The following SLIT2 variants were observed in gnomAD, a reference collection of about 807,000 sequenced individuals.
The protein encoded by SLIT2 is slit guidance ligand 2.
SLIT2 carries 41 observed loss-of-function variants against 185.7 expected under a neutral mutation model. The ratio of observed to expected loss-of-function variants is 0.22; its 90% CI spans 0.17 to 0.29. The LOEUF (loss-of-function observed/expected upper bound fraction) is 0.29. Ranked by LOEUF, SLIT2 falls within the 10% of genes least tolerant of loss-of-function variation. The pLI is 1.00. For missense variants in SLIT2, 1,571 were observed against 1,909.0 expected, an observed-to-expected ratio of 0.82 and a Z score of 3.30; for synonymous variants, 693 against 680.2, an observed-to-expected ratio of 1.02 and a Z score of -0.29.
At chr4:20,320,161 G>A (rs1209000985) in intron 4 of SLIT2, among the ~76,000 whole-genome samples, 1 of 152,138 alleles carries the variant, frequency 6.6e-6, no homozygotes, top group Non-Finnish European at 1.5e-5. Context: ...TAAACATGAA[G>A]AAGAATCTAT....
rs1162443392 is a variant in SLIT2 at position 20,619,753 on chromosome 4, A to G, written c.*744A>G. ...GTTTCTATGAGTTCTAAACAGCCCTATACAGTATTCAGTTTCCATGAGAAA... is the reference window on the plus strand; with the variant it reads ...GTTTCTATGAGTTCTAAACAGCCCTGTACAGTATTCAGTTTCCATGAGAAA... On this transcript the variant is annotated 3_prime_UTR_variant, in exon 37 of 37. Transcript: ENST00000504154. 3.9e-5 allele frequency: 6 copies of G among 152,180 alleles called. No homozygotes were observed. Among genetic ancestry groups the G allele is most frequent in the Admixed American group, 2.0e-4 (3 of 15,280 alleles). The allele number at this position is 152,180 out of a possible 1,614,324, so 9.4% of individuals were successfully genotyped here. A position where few individuals can be genotyped will look rare whatever the true frequency, so the allele number is the denominator to read the frequency against.
chr4:20,430,744 C>T (rs1301089232), intron 4 of SLIT2, among the ~76,000 whole-genome samples: 2 of 152,200 alleles, frequency 1.3e-5, no homozygotes, highest in Admixed American at 1.3e-4. Flanking sequence ...CATGGGGCCT[C>T]GTATTCTCAT....
chr4:20,286,247 G>A (rs144675039), intron 4 of SLIT2, among the ~76,000 whole-genome samples: 64 of 152,200 alleles, frequency 4.2e-4, no homozygotes, highest in African/African-American at 1.4e-3. Flanking sequence ...CGTTAATTGT[G>A]CATAGGTGCT....
chr4:20,284,032 A>C (rs144341233), intron 4 of SLIT2, among the ~76,000 whole-genome samples: 38 of 152,308 alleles, frequency 2.5e-4, no homozygotes, highest in African/African-American at 8.9e-4. Flanking sequence ...GTAACAGTAG[A>C]TGTACAAGAA....
At chr4:20,295,635 T>C (rs1217121742) in intron 4 of SLIT2, among the ~76,000 whole-genome samples, 1 of 152,202 alleles carries the variant, frequency 6.6e-6, no homozygotes, top group Non-Finnish European at 1.5e-5. Context: ...TTGGGCTTCC[T>C]GAGAAGTTAT....
At chr4:20,377,982 C>G (rs1249079180) in intron 4 of SLIT2, among the ~76,000 whole-genome samples, 4 of 152,036 alleles carry the variant, frequency 2.6e-5, no homozygotes, top group Non-Finnish European at 5.9e-5. Flanking sequence ...GTTCTTGTGA[C>G]CTAATAATGT....
At chr4:20,564,207 G>A (rs1724914717) in intron 26 of SLIT2, among the ~76,000 whole-genome samples, 1 of 151,754 alleles carries the variant, frequency 6.6e-6, no homozygotes, top group African/African-American at 2.4e-5. Context: ...AAGTGTAGTG[G>A]ATAGAAAATG....
intron 4 of SLIT2, among the ~76,000 whole-genome samples, chr4:20,363,329 C>T (rs1455225576): frequency 6.6e-6 from 1 of 152,088 alleles, no homozygotes; most frequent in Non-Finnish European, 1.5e-5. Context: ...AAGATATGTT[C>T]CATTAATCCA....
chr4:20,315,210 A>T (rs1457013308), intron 4 of SLIT2, among the ~76,000 whole-genome samples: 3 of 152,104 alleles, frequency 2.0e-5, no homozygotes, highest in Non-Finnish European at 4.4e-5. Context: ...TTCAAGACAA[A>T]AGTACCAATA....
intron 26 of SLIT2, among the ~76,000 whole-genome samples, chr4:20,564,011 A>G (rs1033668640): frequency 2.0e-5 from 3 of 151,814 alleles, no homozygotes; most frequent in African/African-American, 7.3e-5. Context: ...CTTTTCACCT[A>G]GGACTGATCA....
At chr4:20,561,807 AG>A (rs576856214) in intron 26 of SLIT2, among the ~76,000 whole-genome samples, 3 of 147,772 alleles carry the variant, frequency 2.0e-5, no homozygotes, top group South Asian at 2.2e-4. Context: ...CATTTAAAAA[AG>A]GGGGGGCTCT....
At chr4:20,296,966 A>G (rs1411361045) in intron 4 of SLIT2, among the ~76,000 whole-genome samples, 2 of 152,194 alleles carry the variant, frequency 1.3e-5, no homozygotes, top group Admixed American at 6.5e-5. Context: ...CACACACATT[A>G]TGTTATGCGC....
intron 4 of SLIT2, among the ~76,000 whole-genome samples, chr4:20,448,763 G>A (rs1020678406): frequency 2.0e-5 from 3 of 151,998 alleles, no homozygotes; most frequent in Admixed American, 6.6e-5. Context: ...TCAGCCTCCC[G>A]AGTAGCTGGG....
intron 4 of SLIT2, among the ~76,000 whole-genome samples, chr4:20,404,271 C>T (rs915213404): frequency 1.3e-5 from 2 of 151,936 alleles, no homozygotes; most frequent in Non-Finnish European, 2.9e-5. Context: ...ATTTAAACGT[C>T]CCCTATATTA....
intron 4 of SLIT2, among the ~76,000 whole-genome samples, chr4:20,426,728 C>T (rs1176835664): frequency 6.6e-6 from 1 of 152,076 alleles, no homozygotes; most frequent in African/African-American, 2.4e-5. Context: ...TGAAAAGCTA[C>T]AGATGCATAA....
chr4:20,583,913 C>T (rs535916522), intron 29 of SLIT2, among the ~76,000 whole-genome samples: 13 of 152,130 alleles, frequency 8.5e-5, no homozygotes, highest in African/African-American at 3.1e-4. Flanking sequence ...TATTATTTCT[C>T]ATAAAAACCA....
At chr4:20,568,156 T>C (rs1725260299) in intron 28 of SLIT2, among the ~76,000 whole-genome samples, 1 of 152,100 alleles carries the variant, frequency 6.6e-6, no homozygotes, top group South Asian at 2.1e-4. Context: ...ACTGGAGCTC[T>C]TTATTAAATG....
intron 11 of SLIT2, among the ~76,000 whole-genome samples, chr4:20,518,666 G>A (rs1443854730): frequency 2.0e-5 from 2 of 101,972 alleles, no homozygotes; most frequent in East Asian, 3.3e-4. Flanking sequence ...GTGCAGTGGC[G>A]CGATCTCGGC....
At chr4:20,420,016 T>G (rs1213251463) in intron 4 of SLIT2, among the ~76,000 whole-genome samples, 1 of 152,116 alleles carries the variant, frequency 6.6e-6, no homozygotes, top group Non-Finnish European at 1.5e-5. Context: ...TGAAATAAAA[T>G]AGGGCCAAAC....
Sources: allele counts gnomAD v4.1 joint callset (sites outside exome capture counted in the v4.1 genomes callset), GRCh38; gene constraint gnomAD v4.1.1; transcripts MANE v1.5; gene names NCBI Gene and HGNC (gene_info 2026-07-23, HGNC 2026-07-21).